The following CNTN4 variants were observed in gnomAD, a reference collection of about 807,000 sequenced individuals.
The protein encoded by CNTN4 is contactin 4, also known as contactin-4.
In CNTN4, 77 loss-of-function variants were observed where a neutral mutation model predicts 122.5. The ratio of observed to expected loss-of-function variants is 0.63; its 90% CI spans 0.52 to 0.76. The LOEUF is 0.76. Ranked by LOEUF, CNTN4 falls within the 30% of genes least tolerant of loss-of-function variation. The pLI, the probability that CNTN4 is intolerant of heterozygous loss-of-function variation, is 0.00. For missense variants in CNTN4, 1,256 were observed against 1,259.1 expected (o/e 1.00, Z 0.04); for synonymous variants, 512 against 447.0 (o/e 1.15, Z -1.83).
intron 3 of CNTN4, among the ~76,000 whole-genome samples, chr3:2,552,188 C>A (rs1264947078): frequency 6.6e-6 from 1 of 152,120 alleles, no homozygotes; most frequent in Non-Finnish European, 1.5e-5. Flanking sequence ...CAGTCTGTTA[C>A]TGTTGAAACA....
intron 4 of CNTN4, among the ~76,000 whole-genome samples, chr3:2,684,886 A>G (rs1322504805): frequency 2.0e-5 from 3 of 152,190 alleles, no homozygotes; most frequent in African/African-American, 4.8e-5. Flanking sequence ...ATTTAGGGGG[A>G]GACAAAGAAG....
At chr3:2,313,368 A>G (rs2042980842) in intron 2 of CNTN4, among the ~76,000 whole-genome samples, 1 of 152,102 alleles carries the variant, frequency 6.6e-6, no homozygotes, top group Admixed American at 6.6e-5. Flanking sequence ...TTAATAAACA[A>G]GATAACCTAG....
At chr3:2,896,430 CTG>C (rs1360063161) in intron 10 of CNTN4, among the ~76,000 whole-genome samples, 1 of 152,094 alleles carries the variant, frequency 6.6e-6, no homozygotes, top group Non-Finnish European at 1.5e-5. Context: ...GGATGAGAGT[CTG>C]AAGCCAGAGA....
At chr3:2,425,152 A>G (rs2047773490) in intron 3 of CNTN4, among the ~76,000 whole-genome samples, 1 of 152,132 alleles carries the variant, frequency 6.6e-6, no homozygotes, top group Non-Finnish European at 1.5e-5. Flanking sequence ...GCCCATTCCT[A>G]TGTCCTGAAT....
intron 4 of CNTN4, among the ~76,000 whole-genome samples, chr3:2,596,544 G>A (rs920088616): frequency 3.9e-5 from 6 of 152,036 alleles, no homozygotes; most frequent in African/African-American, 1.4e-4. Context: ...ATACACATAT[G>A]CATACATATA....
chr3:2,935,604 A>T (rs11927733), intron 13 of CNTN4, among the ~76,000 whole-genome samples: 101,331 of 152,076 alleles, frequency 0.67, 34,231 homozygotes, highest in Middle Eastern at 0.85. Context: ...GAGATTATGA[A>T]CATAACCTAA....
At chr3:2,178,762 A>G (rs545113775) in intron 2 of CNTN4, among the ~76,000 whole-genome samples, 97 of 152,108 alleles carry the variant, frequency 6.4e-4, no homozygotes, top group Admixed American at 1.4e-3. Context: ...GTATTCTGTT[A>G]TCATCTAACT....
intron 3 of CNTN4, among the ~76,000 whole-genome samples, chr3:2,370,351 T>A (rs868338013): frequency 2.6e-5 from 4 of 152,216 alleles, no homozygotes; most frequent in Admixed American, 1.3e-4. Context: ...TTTATAACTG[T>A]CATACTTTGG....
At chr3:2,830,471 T>C (rs1344051423) in intron 7 of CNTN4, among the ~76,000 whole-genome samples, 1 of 152,222 alleles carries the variant, frequency 6.6e-6, no homozygotes, top group Non-Finnish European at 1.5e-5. Context: ...CTGGACCACA[T>C]GCAGAGCTTT....
chr3:2,406,345 C>T (rs1213074856), intron 3 of CNTN4, among the ~76,000 whole-genome samples: 4 of 152,294 alleles, frequency 2.6e-5, no homozygotes, highest in East Asian at 1.9e-4. Flanking sequence ...AAATATATAA[C>T]TTCAATCTCA....
intron 7 of CNTN4, among the ~76,000 whole-genome samples, chr3:2,837,002 G>T (rs2093241248): frequency 6.6e-6 from 1 of 151,982 alleles, no homozygotes; most frequent in African/African-American, 2.4e-5. Flanking sequence ...AATGAAACAA[G>T]GTTTATAATT....
intron 2 of CNTN4, among the ~76,000 whole-genome samples, chr3:2,277,052 T>G (rs922113526): frequency 1.3e-5 from 2 of 152,028 alleles, no homozygotes; most frequent in African/African-American, 2.4e-5. Flanking sequence ...GCAACAAGAT[T>G]GAGAAAAACT....
At chr3:3,043,408 G>A (rs1017518923) in intron 22 of CNTN4, among the ~76,000 whole-genome samples, 184 bp from the exon 23 acceptor site, 4 of 152,112 alleles carry the variant, frequency 2.6e-5, no homozygotes, top group African/African-American at 4.8e-5. Context: ...AATGTTAGGC[G>A]ACCAACTGAA....
At chr3:3,011,106 C>T (rs181355093) in intron 14 of CNTN4, among the ~76,000 whole-genome samples, 7 of 152,244 alleles carry the variant, frequency 4.6e-5, no homozygotes, top group African/African-American at 1.7e-4. Context: ...AACCCTTAGT[C>T]CTTGCATAAT....
intron 2 of CNTN4, among the ~76,000 whole-genome samples, chr3:2,163,978 C>T (rs12493741): frequency 0.11 from 16,929 of 151,990 alleles, 1,358 homozygotes; most frequent in East Asian, 0.31. Flanking sequence ...AGCTGTGAGG[C>T]TGCAAAGGTA....
At chr3:2,530,377 C>A (rs1212843627) in intron 3 of CNTN4, among the ~76,000 whole-genome samples, 1 of 146,998 alleles carries the variant, frequency 6.8e-6, no homozygotes. Flanking sequence ...GGCACGATCT[C>A]AGCTCACTGC....
intron 2 of CNTN4, chr3:2,110,405 G>C (rs758295206): frequency 3.9e-5 from 6 of 152,204 alleles, no homozygotes; most frequent in Admixed American, 3.9e-4. Flanking sequence ...TATACAGAAC[G>C]TAGTATACTT....
At chr3:2,763,476 C>A (rs2090691589) in intron 6 of CNTN4, among the ~76,000 whole-genome samples, 1 of 152,080 alleles carries the variant, frequency 6.6e-6, no homozygotes, top group South Asian at 2.1e-4. Context: ...TGCAGAAGAT[C>A]TTCAGTTTAA....
At chr3:2,928,141 A>G (rs528129016) in intron 13 of CNTN4, among the ~76,000 whole-genome samples, 17 of 152,212 alleles carry the variant, frequency 1.1e-4, no homozygotes, top group Non-Finnish European at 2.1e-4. Context: ...GAAACTAGAA[A>G]TCTAGACTTT....
Sources: gnomAD v4.1 joint callset for allele counts (sites outside exome capture counted in the v4.1 genomes callset) on GRCh38, gnomAD v4.1.1 for gene constraint, MANE v1.5 for transcripts, NCBI Gene and HGNC (gene_info 2026-07-23, HGNC 2026-07-21) for gene names.